Variants in MVB12B observed in about 807,000 individuals in gnomAD.
The protein encoded by MVB12B is multivesicular body subunit 12B.
In MVB12B, 16 loss-of-function variants were observed where a neutral mutation model predicts 41.6. The ratio of observed to expected loss-of-function variants is 0.38; its 90% CI spans 0.26 to 0.58. The LOEUF is 0.58. Among genes scored for constraint, MVB12B ranks in the 20% least tolerant of loss-of-function variants. The pLI is 0.62. For missense variants in MVB12B, 274 were observed against 380.2 expected (o/e 0.72, Z 2.32); for synonymous variants, 133 against 139.7 (o/e 0.95, Z 0.34).
rs769916015 is a variant in MVB12B, at chr9:126,468,091, A to G, written c.758-13278A>G. Among the ~76,000 whole-genome samples the G allele has an allele frequency of 7.9e-5, 12 of 152,318 alleles. No individual in the cohort carries two copies. The highest frequency in any genetic ancestry group is 4.1e-4 in the South Asian group (2 of 4,828). ...TAATGATACATCTGATTTTGATCCA[A>G]TATCACAGAGTACATTCTGATCTTC... is the stretch of plus-strand genomic sequence containing the variant. On this transcript the variant is annotated intron_variant, in intron 7 of 9. Coordinates refer to ENST00000361171, the MANE Select transcript of MVB12B (RefSeq NM_033446.3). The surrounding 1 kb of genome is among the most constrained non-coding windows in gnomAD (Gnocchi z 4.3).
Position 126,386,452 on chromosome 9 carries a change from A to G in MVB12B, c.313-110A>G, listed in dbSNP as rs572367378. ...CACCTACTCTAATTAACCTGCTGTCATAAAGCTGCACGAGTCATTGTGTTA... is the reference window on the plus strand; with the variant it reads ...CACCTACTCTAATTAACCTGCTGTCGTAAAGCTGCACGAGTCATTGTGTTA... On this transcript the variant is annotated intron_variant, in intron 3 of 9. Transcript: ENST00000361171. This position sits in a 1 kb window ranked among gnomAD's most constrained non-coding sequence, Gnocchi z 4.3. 2.8e-6 allele frequency: 2 copies of G among 708,046 alleles called. No homozygotes were observed. Among genetic ancestry groups the G allele is most frequent in the East Asian group, 2.7e-5 (1 of 36,656 alleles). 43.9% of individuals were successfully genotyped at this position (708,046 alleles called of 1,614,324 possible).
At position 126,494,755 on chromosome 9, in the gene MVB12B, G is replaced by A. The variant is rs569907549; in HGVS notation, c.874-8422G>A. On this transcript the variant is annotated intron_variant, in intron 9 of 9. Transcript: ENST00000361171. ...AGTAACCAGTGGTGGCAATCAGTGT[G>A]GTTTTAAATCTCTTCTACAAACTAT... is the stretch of plus-strand genomic sequence containing the variant. Among the ~76,000 whole-genome samples the A allele has an allele frequency of 2.0e-5, 3 of 152,172 alleles. No individual in the cohort carries two copies. The South Asian group carries it at 6.2e-4, about 32-fold the overall frequency.
chr9:126,385,672 A>G (rs1038984932), intron 3 of MVB12B, among the ~76,000 whole-genome samples: 6 of 152,222 alleles, frequency 3.9e-5, no homozygotes, highest in Admixed American at 2.0e-4. Context: ...GTATCCTAAC[A>G]GGAGAGATTT....
chr9:126,484,107 C>G lies in MVB12B; in HGVS notation c.873+75C>G, dbSNP rs1049376514. On this transcript the variant is annotated intron_variant, in intron 9 of 9. Transcript: ENST00000361171. ...ACACCGGCGTCTCTCGTGTGTTCCCCTAGGGATCCACTCCAAGAGAGGGAC... is the reference window on the plus strand; with the variant it reads ...ACACCGGCGTCTCTCGTGTGTTCCCGTAGGGATCCACTCCAAGAGAGGGAC... 2.9e-6 allele frequency: 4 copies of G among 1,399,340 alleles called. No homozygotes were observed. In the African/African-American group the frequency reaches 5.7e-5, roughly 20 times the overall value. 86.7% of individuals were successfully genotyped at this position (1,399,340 alleles called of 1,614,324 possible). A position where few individuals can be genotyped will look rare whatever the true frequency, so the allele number is the denominator to read the frequency against.
chr9:126,452,203 G>C (rs751840747), intron 7 of MVB12B, among the ~76,000 whole-genome samples: 2 of 152,244 alleles, frequency 1.3e-5, no homozygotes, highest in Non-Finnish European at 2.9e-5. Context: ...AGGGCTCCCA[G>C]GGAGAATGTG....
chr9:126,475,955 C>T (rs1833410597), intron 7 of MVB12B, among the ~76,000 whole-genome samples: 1 of 140,592 alleles, frequency 7.1e-6, no homozygotes, highest in Admixed American at 7.1e-5. Context: ...GTGGTCTGTC[C>T]TGAGGCTCCC....
At chr9:126,479,077 A>T (rs1306474499) in intron 7 of MVB12B, among the ~76,000 whole-genome samples, 1 of 151,994 alleles carries the variant, frequency 6.6e-6, no homozygotes, top group Non-Finnish European at 1.5e-5. Flanking sequence ...GCTGTGGAAG[A>T]GATGGATGTG....
At position 126,392,416 on chromosome 9, in the gene MVB12B, C is replaced by G. The variant is rs1448605403; in HGVS notation, c.539+221C>G. ...ACCTTAGGGCCTTTCCTCCCCTGCC[C>G]TTCTGCGCATTCAGCCTTGAAGCTC... On this transcript the variant is annotated intron_variant, in intron 5 of 9. Coordinates refer to ENST00000361171, the MANE Select transcript of MVB12B (RefSeq NM_033446.3). This position sits in a 1 kb window ranked among gnomAD's most constrained non-coding sequence, Gnocchi z 4.8. 1.3e-5 allele frequency among the ~76,000 whole-genome samples: 2 copies of G among 152,232 alleles called. No homozygotes were observed. The highest frequency in any genetic ancestry group is 4.8e-5 in the African/African-American group (2 of 41,452).
chr9:126,388,822 G>A (rs73668017), intron 4 of MVB12B, among the ~76,000 whole-genome samples: 1 of 152,282 alleles, frequency 6.6e-6, no homozygotes, highest in Non-Finnish European at 1.5e-5. Context: ...TTGGCCATTT[G>A]TATTATCTCC....
At chr9:126,362,862 T>C (rs1357869712) in intron 2 of MVB12B, among the ~76,000 whole-genome samples, 2 of 152,226 alleles carry the variant, frequency 1.3e-5, no homozygotes, top group Non-Finnish European at 2.9e-5. Context: ...AAAATGGTTA[T>C]TGGTGTGGTT....
intron 4 of MVB12B, among the ~76,000 whole-genome samples, chr9:126,388,945 A>T (rs1435195653): frequency 6.6e-6 from 1 of 152,156 alleles, no homozygotes; most frequent in Non-Finnish European, 1.5e-5. Flanking sequence ...CAGTCAGTTG[A>T]CTTCGAATGT....
chr9:126,461,232 C>G (rs1200491572), intron 7 of MVB12B, among the ~76,000 whole-genome samples: 1 of 152,248 alleles, frequency 6.6e-6, no homozygotes, highest in African/African-American at 2.4e-5. Flanking sequence ...CGTCAGCACC[C>G]CCACAACCGC....
At chr9:126,484,274 G>GT (rs1427021911) in intron 9 of MVB12B, among the ~76,000 whole-genome samples, 2 of 152,268 alleles carry the variant, frequency 1.3e-5, no homozygotes, top group African/African-American at 4.8e-5. Context: ...AAGTCAGAAT[G>GT]TTTTACATGA....
intron 6 of MVB12B, among the ~76,000 whole-genome samples, chr9:126,401,182 C>T (rs1831258827): frequency 6.6e-6 from 1 of 152,186 alleles, no homozygotes; most frequent in Non-Finnish European, 1.5e-5. Flanking sequence ...ATTTTCCCAC[C>T]CGAAGTCACA....
chr9:126,500,029 G>A (rs1833921351), intron 9 of MVB12B, among the ~76,000 whole-genome samples: 1 of 152,182 alleles, frequency 6.6e-6, no homozygotes, highest in Admixed American at 6.5e-5. Flanking sequence ...AGGCGTGGAA[G>A]CGTCCTGCTC....
At chr9:126,360,890 G>A (rs2118891133) in intron 2 of MVB12B, among the ~76,000 whole-genome samples, 1 of 152,224 alleles carries the variant, frequency 6.6e-6, no homozygotes, top group South Asian at 2.1e-4. Context: ...TATTAGTATA[G>A]CCACTACAGC....
At chr9:126,470,874 G>A (rs1833301981) in intron 7 of MVB12B, among the ~76,000 whole-genome samples, 1 of 152,108 alleles carries the variant, frequency 6.6e-6, no homozygotes, top group Admixed American at 6.6e-5. Context: ...GTGAAAGCAG[G>A]TAGAAAAAGG....
rs1281172706 is a variant in MVB12B, at chr9:126,495,350, A to AGTGAG, written c.874-7826_874-7825insTGAGG. On this transcript the variant is annotated intron_variant, in intron 9 of 9. Transcript: ENST00000361171. ...CCACAGGGAGGGAAGGGTTGGGGAG[A>AGTGAG]GCGAGGCGAGAGCAAGTCATGGTTT... Among the ~76,000 whole-genome samples the AGTGAG allele has an allele frequency of 2.0e-5, 3 of 152,282 alleles. No individual in the cohort carries two copies. The East Asian group carries it at 5.8e-4, about 29-fold the overall frequency.
chr9:126,490,116 TTC>T (rs944690959), intron 9 of MVB12B, among the ~76,000 whole-genome samples: 75 of 152,356 alleles, frequency 4.9e-4, no homozygotes, highest in African/African-American at 1.7e-3. Flanking sequence ...TGTATAAATA[TTC>T]TCTGTCTCTG....
Sources: gnomAD v4.1 joint callset for allele counts (sites outside exome capture counted in the v4.1 genomes callset) on GRCh38, gnomAD v4.1.1 for gene constraint, Gnocchi (gnomAD v3.1) non-coding constraint, MANE v1.5 for transcripts, NCBI Gene and HGNC (gene_info 2026-07-23, HGNC 2026-07-21) for gene names.